Variants in FRYL observed in about 807,000 individuals in gnomAD.
FRYL encodes the protein FRY like transcription coactivator, also known as protein furry homolog-like.
FRYL carries 150 observed loss-of-function variants against 351.2 expected under a neutral mutation model. That is an observed-to-expected ratio of 0.43 (90% CI 0.37 to 0.49). The LOEUF (loss-of-function observed/expected upper bound fraction) is 0.49. FRYL is among the 20% of genes least tolerant of loss of function. The pLI, the probability that FRYL is intolerant of heterozygous loss-of-function variation, is 0.00. For missense variants in FRYL, 3,036 were observed against 3,619.3 expected, an observed-to-expected ratio of 0.84 and a Z score of 4.13; for synonymous variants, 1,153 against 1,257.1, an observed-to-expected ratio of 0.92 and a Z score of 1.75.
chr4:48,541,540 A>G (rs1730163735), intron 45 of FRYL, among the ~76,000 whole-genome samples: 2 of 152,224 alleles, frequency 1.3e-5, no homozygotes, highest in African/African-American at 4.8e-5. Flanking sequence ...ACAATATGAA[A>G]AAATCACTAT....
intron 1 of FRYL, among the ~76,000 whole-genome samples, chr4:48,748,130 CA>C (rs1354802019): frequency 3.9e-5 from 6 of 152,024 alleles, no homozygotes; most frequent in Admixed American, 1.3e-4. Flanking sequence ...CCTGTAGTCC[CA>C]GCTACTTGGG....
intron 7 of FRYL, among the ~76,000 whole-genome samples, chr4:48,613,785 G>A (rs181590361): frequency 1.3e-5 from 2 of 151,980 alleles, no homozygotes; most frequent in East Asian, 1.9e-4. Context: ...GTGAAACCTC[G>A]TCTCTACTAA....
intron 20 of FRYL, among the ~76,000 whole-genome samples, chr4:48,582,265 T>A (rs1741109405): frequency 6.6e-6 from 1 of 152,172 alleles, no homozygotes; most frequent in African/African-American, 2.4e-5. Flanking sequence ...TATCTCTAAT[T>A]TCTATGCTCA....
chr4:48,775,377 G>T (rs1034160633), intron 1 of FRYL, among the ~76,000 whole-genome samples: 2 of 152,158 alleles, frequency 1.3e-5, no homozygotes, highest in African/African-American at 4.8e-5. Flanking sequence ...TACCCTCAAT[G>T]CCTAGCATGG....
intron 48 of FRYL, among the ~76,000 whole-genome samples, chr4:48,535,450 C>A (rs1728658958): frequency 6.6e-6 from 1 of 151,930 alleles, no homozygotes; most frequent in African/African-American, 2.4e-5. Context: ...ATATTTTTAT[C>A]TTAAAAAATT....
intron 1 of FRYL, among the ~76,000 whole-genome samples, chr4:48,736,583 C>T (rs1299594268): frequency 6.6e-6 from 1 of 151,988 alleles, no homozygotes; most frequent in African/African-American, 2.4e-5. Context: ...GGTACAGTGG[C>T]TCACATCTGT....
In FRYL at chr4:48,578,999, C is replaced by G; in HGVS notation, c.2502G>C (p.Gln834His). Residue 834 changes from glutamine to histidine, a missense_variant, in exon 23 of 64, where the codon CAG (glutamine) becomes CAC (histidine). Coordinates refer to ENST00000358350, the MANE Select transcript of FRYL (RefSeq NM_015030.2). Reference sequence around the variant, plus strand: ...TTATATCGACCTGAGGGGACAACAACTGAAGTCTTGTGTATGCAAACATCC... The same window carrying G: ...TTATATCGACCTGAGGGGACAACAAGTGAAGTCTTGTGTATGCAAACATCC... ...YAWMFAYTRL[Q>H]LLSPQVDINS... 6.2e-7 allele frequency: 1 copy of G among 1,611,684 alleles called. No homozygotes were observed. Among genetic ancestry groups the G allele is most frequent in the Non-Finnish European group, 8.5e-7 (1 of 1,179,150 alleles).
intron 1 of FRYL, among the ~76,000 whole-genome samples, chr4:48,739,032 C>G (rs1439575983): frequency 6.6e-6 from 1 of 152,124 alleles, no homozygotes; most frequent in Non-Finnish European, 1.5e-5. Context: ...AAGCAACACT[C>G]ATCAAGACAA....
At chr4:48,710,372 T>G in intron 2 of FRYL, 147 bp downstream of exon 2, 1 of 395,326 alleles carries the variant, frequency 2.5e-6, no homozygotes, top group East Asian at 3.6e-5. Context: ...GAATGTAATA[T>G]GTAAAAAATG....
chr4:48,583,866 C>T (rs1331627581), intron 19 of FRYL, among the ~76,000 whole-genome samples: 1 of 151,308 alleles, frequency 6.6e-6, no homozygotes, highest in Non-Finnish European at 1.5e-5. Flanking sequence ...GATTGTGCCA[C>T]TGCACTCCAG....
intron 47 of FRYL, among the ~76,000 whole-genome samples, chr4:48,538,051 TAATA>T (rs890640167): frequency 2.0e-5 from 3 of 152,228 alleles, no homozygotes; most frequent in Non-Finnish European, 4.4e-5. Flanking sequence ...AAAGTTATTT[TAATA>T]AATTTTGTAT....
intron 57 of FRYL, among the ~76,000 whole-genome samples, chr4:48,511,966 T>A (rs1288690838): frequency 6.6e-6 from 1 of 152,182 alleles, no homozygotes; most frequent in Admixed American, 6.6e-5. Context: ...GTCAGAACAC[T>A]TACCGTAAAG....
chr4:48,772,625 T>TGG (rs1775627422), intron 1 of FRYL, among the ~76,000 whole-genome samples: 1 of 136,494 alleles, frequency 7.3e-6, no homozygotes, highest in Non-Finnish European at 1.5e-5. Context: ...CATTCTTTAC[T>TGG]ATTGAACTAA....
rs554125478 is a variant in FRYL at position 48,679,957 on chromosome 4, T to C, written c.-81+4716A>G. ...AAAGTAGTCATTCTAAATGTTCCTC[T>C]ATAAGGAATTGAATAAATCATTATA... On this transcript the variant is annotated intron_variant, in intron 3 of 63. Transcript: ENST00000358350. Among the ~76,000 whole-genome samples the C allele has an allele frequency of 7.2e-5, 11 of 152,188 alleles. No homozygotes were observed. The South Asian group carries it at 2.1e-3, about 29-fold the overall frequency.
At chr4:48,640,318 T>C (rs1239148406) in intron 3 of FRYL, among the ~76,000 whole-genome samples, 1 of 152,180 alleles carries the variant, frequency 6.6e-6, no homozygotes, top group Non-Finnish European at 1.5e-5. Flanking sequence ...TGAAATATTA[T>C]TCAGTGCTAA....
At chr4:48,679,637 A>G (rs966849895) in intron 3 of FRYL, among the ~76,000 whole-genome samples, 1 of 151,758 alleles carries the variant, frequency 6.6e-6, no homozygotes, top group African/African-American at 2.4e-5. Context: ...CTGTAGGATG[A>G]CCATAGTAAT....
intron 1 of FRYL, among the ~76,000 whole-genome samples, chr4:48,779,247 AAAG>A (rs1018461815): frequency 6.6e-6 from 1 of 152,214 alleles, no homozygotes; most frequent in African/African-American, 2.4e-5. Flanking sequence ...TAAAAGTTGC[AAAG>A]AAGAGCTCAG....
chr4:48,540,067 G>A lies in FRYL; in HGVS notation c.6297C>T (p.Gly2099=), dbSNP rs1560564633. The part of the protein sequence containing the change: ...HTLVDPSQLS[G]FPLNILCLLP... ...ATAAGCAAAGGATGTTAAGAGGAAA[G>A]CCTATCAAAACAAAAAAAAGCAAAC... Residue 2099 remains glycine (G), a splice_region_variant and synonymous_variant, in exon 47 of 64, where the codon GGC becomes GGT. Transcript: ENST00000358350. 6.8e-6 allele frequency: 11 copies of A among 1,607,118 alleles called. No individual in the cohort carries two copies. Among genetic ancestry groups the A allele is most frequent in the African/African-American group, 1.3e-5 (1 of 74,738 alleles).
At chr4:48,637,861 T>TA (rs1283152818) in intron 3 of FRYL, 1 of 152,136 alleles carries the variant, frequency 6.6e-6, no homozygotes, top group East Asian at 1.9e-4. Context: ...AAAATAAATT[T>TA]AAATTCAGTC....
Sources: allele counts gnomAD v4.1 joint callset (sites outside exome capture counted in the v4.1 genomes callset), GRCh38; gene constraint gnomAD v4.1.1; transcripts MANE v1.5; gene names NCBI Gene and HGNC (gene_info 2026-07-23, HGNC 2026-07-21).